The following DLGAP2 variants were observed in gnomAD, a reference collection of about 807,000 sequenced individuals.
DLGAP2 encodes the protein DLG associated protein 2.
Under a neutral mutation model 100.3 loss-of-function variants are expected in DLGAP2, and 26 were observed. That is an observed-to-expected ratio of 0.26 (90% confidence interval 0.19 to 0.36). The LOEUF (loss-of-function observed/expected upper bound fraction) is 0.36, where lower values mean the gene tolerates loss of function less well. Among genes scored for constraint, DLGAP2 ranks in the 10% least tolerant of loss-of-function variants. DLGAP2 has a pLI of 1.00. For missense variants in DLGAP2, 1,858 were observed against 1,453.2 expected (o/e 1.28, Z -4.53); for synonymous variants, 886 against 630.1 (o/e 1.41, Z -6.08).
At chr8:1,187,107 A>T (rs1002326279) in intron 2 of DLGAP2, among the ~76,000 whole-genome samples, 2 of 152,218 alleles carry the variant, frequency 1.3e-5, no homozygotes, top group African/African-American at 4.8e-5. Flanking sequence ...ACGTTCAAAG[A>T]TGATTGTCAG....
intron 2 of DLGAP2, among the ~76,000 whole-genome samples, chr8:1,171,171 T>C (rs1461792334): frequency 3.9e-5 from 6 of 152,362 alleles, no homozygotes; most frequent in African/African-American, 1.4e-4. Context: ...GGTTGTTCAG[T>C]TTCCATGTAG....
intron 1 of DLGAP2, among the ~76,000 whole-genome samples, chr8:781,843 TG>T (rs1821695541): frequency 6.6e-6 from 1 of 152,212 alleles, no homozygotes; most frequent in Admixed American, 6.5e-5. Context: ...CTAATGTTTG[TG>T]CTATAATTTT....
At chr8:1,497,752 A>G (rs990733617) in intron 3 of DLGAP2, among the ~76,000 whole-genome samples, 3 of 152,240 alleles carry the variant, frequency 2.0e-5, no homozygotes, top group Non-Finnish European at 2.9e-5. Context: ...GAAGTACGGT[A>G]GTCCCCGCTG....
chr8:1,154,758 C>T (rs2129051919), intron 2 of DLGAP2, among the ~76,000 whole-genome samples: 1 of 152,222 alleles, frequency 6.6e-6, no homozygotes, highest in Middle Eastern at 3.4e-3. Flanking sequence ...TTACTGTGGC[C>T]GGGCACCCTC....
chr8:1,257,943 C>T (rs950385038), intron 2 of DLGAP2, among the ~76,000 whole-genome samples: 2 of 152,218 alleles, frequency 1.3e-5, no homozygotes, highest in African/African-American at 4.8e-5. Context: ...TGAACCCAGG[C>T]CTACCCGGCC....
At chr8:1,129,418 AT>A (rs1481315725) in intron 2 of DLGAP2, among the ~76,000 whole-genome samples, 2 of 147,768 alleles carry the variant, frequency 1.4e-5, no homozygotes, top group Non-Finnish European at 1.5e-5. Flanking sequence ...AAAAAAAAAA[AT>A]TTACTTAAAG....
At chr8:988,377 C>A (rs757286578) in intron 2 of DLGAP2, among the ~76,000 whole-genome samples, 1 of 152,230 alleles carries the variant, frequency 6.6e-6, no homozygotes, top group African/African-American at 2.4e-5. Flanking sequence ...TTATTCTTCT[C>A]TCCGAAGCTG....
At chr8:1,276,333 C>T (rs1314385048) in intron 3 of DLGAP2, among the ~76,000 whole-genome samples, 1 of 151,944 alleles carries the variant, frequency 6.6e-6, no homozygotes, top group Non-Finnish European at 1.5e-5. Flanking sequence ...CTTGGACTGA[C>T]ACATGAATTC....
At chr8:1,418,867 G>C (rs1395878846) in intron 3 of DLGAP2, among the ~76,000 whole-genome samples, 1 of 152,220 alleles carries the variant, frequency 6.6e-6, no homozygotes, top group Non-Finnish European at 1.5e-5. Flanking sequence ...CTGGCCCGCT[G>C]GCTAGAGATC....
At chr8:1,100,934 C>A (rs1198737038) in intron 2 of DLGAP2, among the ~76,000 whole-genome samples, 1 of 152,230 alleles carries the variant, frequency 6.6e-6, no homozygotes, top group Non-Finnish European at 1.5e-5. Flanking sequence ...GTGAAACTTT[C>A]TTTAAAGATA....
intron 3 of DLGAP2, among the ~76,000 whole-genome samples, chr8:1,417,679 A>T (rs1173228010): frequency 7.7e-6 from 1 of 130,480 alleles, no homozygotes; most frequent in African/African-American, 2.6e-5. Context: ...GCGAGGCTCC[A>T]GGGGGGCACA....
chr8:1,615,300 C>G (rs1210898212), intron 6 of DLGAP2, among the ~76,000 whole-genome samples: 1 of 152,134 alleles, frequency 6.6e-6, no homozygotes, highest in Non-Finnish European at 1.5e-5. Flanking sequence ...AGCCAAACAC[C>G]CAAAGCTAAG....
intron 8 of DLGAP2, among the ~76,000 whole-genome samples, chr8:1,645,256 A>G (rs1294507981): frequency 6.6e-6 from 1 of 152,238 alleles, no homozygotes; most frequent in Admixed American, 6.5e-5. Context: ...TTCTGTAGAA[A>G]CCATACTCTG....
intron 2 of DLGAP2, among the ~76,000 whole-genome samples, chr8:1,074,899 C>G (rs1010301050): frequency 1.3e-5 from 2 of 152,198 alleles, no homozygotes; most frequent in African/African-American, 2.4e-5. Flanking sequence ...TGGGGTCAAC[C>G]CAGTGAAACT....
intron 3 of DLGAP2, among the ~76,000 whole-genome samples, chr8:1,294,770 G>T (rs569981717): frequency 6.6e-6 from 1 of 152,026 alleles, no homozygotes; most frequent in African/African-American, 2.4e-5. Flanking sequence ...TTGGGAGGCT[G>T]AGACAGTAGG....
chr8:1,306,789 A>G (rs1800502122), intron 3 of DLGAP2, among the ~76,000 whole-genome samples: 1 of 152,224 alleles, frequency 6.6e-6, no homozygotes. Flanking sequence ...AAGACCATTC[A>G]ATGGAGAAGG....
At chr8:742,220 T>C (rs1820504485) in intron 1 of DLGAP2, among the ~76,000 whole-genome samples, 1 of 152,362 alleles carries the variant, frequency 6.6e-6, no homozygotes, top group South Asian at 2.1e-4. Flanking sequence ...CTGTTTCTTA[T>C]ATGGTACATC....
chr8:1,654,894 A>C (rs1006014092), intron 8 of DLGAP2, among the ~76,000 whole-genome samples: 1 of 151,998 alleles, frequency 6.6e-6, no homozygotes, highest in Non-Finnish European at 1.5e-5. Flanking sequence ...GAAACATGTG[A>C]CTCTTCCGTT....
intron 2 of DLGAP2, among the ~76,000 whole-genome samples, chr8:969,001 G>T (rs1180644349): frequency 3.3e-5 from 5 of 152,172 alleles, no homozygotes; most frequent in Non-Finnish European, 7.3e-5. Flanking sequence ...ATAGTGTGTG[G>T]GTTCATCTGT....
Sources: gnomAD v4.1 joint callset for allele counts (sites outside exome capture counted in the v4.1 genomes callset) on GRCh38, gnomAD v4.1.1 for gene constraint, MANE v1.5 for transcripts, NCBI Gene and HGNC (gene_info 2026-07-23, HGNC 2026-07-21) for gene names.